FAIM2: variants seen among roughly 807,000 people sequenced by gnomAD.
FAIM2 encodes the protein Fas apoptotic inhibitory molecule 2, also known as protein lifeguard 2.
A neutral mutation model predicts 47.4 loss-of-function variants in FAIM2; 27 were observed. The ratio of observed to expected loss-of-function variants is 0.57; its 90% CI spans 0.42 to 0.78. The LOEUF is 0.78. Among genes scored for constraint, FAIM2 ranks in the 30% least tolerant of loss-of-function variants. The pLI, the probability that FAIM2 is intolerant of heterozygous loss-of-function variation, is 0.00. For synonymous variants in FAIM2, 156 were observed against 159.3 expected (o/e 0.98, Z 0.16); for missense variants, 311 against 389.4 (o/e 0.80, Z 1.69).
chr12:49,901,419 A>G, intron 1 of FAIM2, 94 bp from the exon 2 acceptor site: 1 of 1,010,442 alleles, frequency 9.9e-7, no homozygotes, highest in East Asian at 2.9e-5. Context: ...TGGAACTTTC[A>G]TGGTTCCTTC....
rs529554563 is a variant in FAIM2 at position 49,888,496 on chromosome 12, G to C, written c.747+611C>G. Reference sequence around the variant, plus strand: ...GGGTTCCCAGGATTCAGATCTCAAGGCCTTCCTGTGATGACCCCAATCTGC... The same window carrying C: ...GGGTTCCCAGGATTCAGATCTCAAGCCCTTCCTGTGATGACCCCAATCTGC... On this transcript the variant is annotated intron_variant, in intron 10 of 11. Transcript: ENST00000320634. Among the ~76,000 whole-genome samples the C allele has an allele frequency of 2.0e-5, 3 of 152,282 alleles. No homozygotes were observed. In the East Asian group the frequency reaches 5.8e-4, roughly 29 times the overall value.
chr12:49,873,066 G>A (rs1194063872), intron 11 of FAIM2, among the ~76,000 whole-genome samples: 1 of 152,128 alleles, frequency 6.6e-6, no homozygotes, highest in Non-Finnish European at 1.5e-5. Context: ...GAGCTGAGTG[G>A]CCTTAACACA....
intron 10 of FAIM2, 79 bp from the exon 11 acceptor site, chr12:49,887,518 G>A (rs868226691): frequency 3.2e-6 from 4 of 1,232,676 alleles, no homozygotes; most frequent in South Asian, 1.3e-5. Flanking sequence ...GTTCAGTCCA[G>A]AGAATGGAGG....
intron 5 of FAIM2, among the ~76,000 whole-genome samples, chr12:49,895,060 C>CGGGCA (rs77992168): frequency 0.42 from 63,702 of 150,832 alleles, 14,926 homozygotes; most frequent in Non-Finnish European, 0.52. Flanking sequence ...GGGTGTGGAG[C>CGGGCA]GGGCAGGGCA....
At chr12:49,871,808 A>G (rs1341839869) in intron 11 of FAIM2, among the ~76,000 whole-genome samples, 1 of 151,924 alleles carries the variant, frequency 6.6e-6, no homozygotes, top group African/African-American at 2.4e-5. Context: ...CTAGGATTAC[A>G]GGCATGTGCC....
At position 49,868,433 on chromosome 12, in the gene FAIM2, C is replaced by T. The variant is rs1946678597; in HGVS notation, c.*2071G>A. 1 of 152,218 alleles carries T rather than the reference C, an allele frequency of 6.6e-6. No homozygotes were observed. Among genetic ancestry groups the T allele is most frequent in the Non-Finnish European group, 1.5e-5 (1 of 68,058 alleles). The allele number at this position is 152,218 out of a possible 1,614,324, so 9.4% of individuals were successfully genotyped here. On this transcript the variant is annotated 3_prime_UTR_variant, in exon 12 of 12. Transcript: ENST00000320634. ...ACCAGAAACCAGAAATCTTGCCTCC[C>T]AGCTCTTGTCTGGAAGATAGAAACC...
intron 11 of FAIM2, among the ~76,000 whole-genome samples, chr12:49,884,819 A>G (rs1946850067): frequency 6.6e-6 from 1 of 152,168 alleles, no homozygotes; most frequent in Non-Finnish European, 1.5e-5. Context: ...CTAAAAATAC[A>G]AAAAATTAGC....
intron 11 of FAIM2, among the ~76,000 whole-genome samples, chr12:49,880,320 ATGTG>A (rs145155212): frequency 1.0e-3 from 149 of 145,882 alleles, no homozygotes; most frequent in African/African-American, 3.5e-3. Flanking sequence ...GTGTATGTGT[ATGTG>A]TGTCTGTGTG....
chr12:49,890,934 G>A (rs1165195720), intron 6 of FAIM2, 130 bp downstream of exon 6: 15 of 972,002 alleles, frequency 1.5e-5, no homozygotes, highest in South Asian at 1.2e-4. Flanking sequence ...CTGCCTGCTC[G>A]ATAGAGGCCC....
chr12:49,880,000 A>C (rs1490510687), intron 11 of FAIM2, among the ~76,000 whole-genome samples: 1 of 147,280 alleles, frequency 6.8e-6, no homozygotes, highest in East Asian at 2.1e-4. Context: ...GCATGTGTGC[A>C]TATATGCGTG....
intron 5 of FAIM2, among the ~76,000 whole-genome samples, chr12:49,894,344 TCTGC>T (rs1319201724): frequency 6.6e-6 from 1 of 152,168 alleles, no homozygotes; most frequent in Non-Finnish European, 1.5e-5. Flanking sequence ...CTTTTCCTCC[TCTGC>T]CTGGGTTTCT....
chr12:49,875,473 G>C (rs1030629773), intron 11 of FAIM2, among the ~76,000 whole-genome samples: 1 of 151,918 alleles, frequency 6.6e-6, no homozygotes, highest in Non-Finnish European at 1.5e-5. Context: ...GGAGATCTGG[G>C]GCCCATTTCT....
chr12:49,880,115 T>C (rs1160048614), intron 11 of FAIM2, among the ~76,000 whole-genome samples: 1 of 151,884 alleles, frequency 6.6e-6, no homozygotes, highest in Non-Finnish European at 1.5e-5. Context: ...CGTCTGTGTA[T>C]GTGTGTGCAT....
intron 11 of FAIM2, among the ~76,000 whole-genome samples, chr12:49,879,817 CAT>C (rs1443264957): frequency 7.0e-6 from 1 of 143,212 alleles, no homozygotes; most frequent in Admixed American, 6.9e-5. Flanking sequence ...TGTGTATGTG[CAT>C]GTGTATATGT....
intron 11 of FAIM2, among the ~76,000 whole-genome samples, chr12:49,880,881 AGTGT>A (rs56101227): frequency 2.2e-4 from 33 of 150,966 alleles, no homozygotes; most frequent in South Asian, 8.4e-4. Flanking sequence ...CGTGAATGTG[AGTGT>A]GTGTGTGTGT....
At chr12:49,879,080 A>ATG (rs139266982) in intron 11 of FAIM2, among the ~76,000 whole-genome samples, 1 of 127,048 alleles carries the variant, frequency 7.9e-6, no homozygotes, top group Admixed American at 8.8e-5. Flanking sequence ...GTGCATGTGT[A>ATG]TGTGTCTGTG....
At position 49,890,703 on chromosome 12, in the gene FAIM2, G is replaced by C; in HGVS notation, c.505C>G (p.Leu169Val). Residue 169 changes from leucine to valine, a missense_variant, in exon 7 of 12, where the codon CTG becomes GTG. Leu to Val is a conservative substitution (Grantham distance 32). Coordinates refer to ENST00000320634, the MANE Select transcript of FAIM2 (RefSeq NM_012306.4). ...SGPRRHFPWN[L>V]ILLTVFTLSM... ...CTTACAAAGACGGTCAGGAGAATCA[G>C]GTTCCAGGGGAAATGCCTCCTGCAA... is the stretch of plus-strand genomic sequence containing the variant. The C allele has an allele frequency of 6.2e-7, 1 of 1,614,108 alleles. No homozygotes were observed.
chr12:49,884,640 A>G (rs1946848055), intron 11 of FAIM2, among the ~76,000 whole-genome samples: 1 of 152,188 alleles, frequency 6.6e-6, no homozygotes, highest in Non-Finnish European at 1.5e-5. Context: ...GGCACAGGAC[A>G]CCTGGGTCTT....
chr12:49,903,319 AG>A (rs1565621718), intron 1 of FAIM2, among the ~76,000 whole-genome samples: 2 of 152,170 alleles, frequency 1.3e-5, no homozygotes, highest in Non-Finnish European at 2.9e-5. Flanking sequence ...GGCAGGGAGT[AG>A]GGTGGGGGTT....
Sources: allele counts gnomAD v4.1 joint callset (sites outside exome capture counted in the v4.1 genomes callset), GRCh38; gene constraint gnomAD v4.1.1; transcripts MANE v1.5; gene names NCBI Gene and HGNC (gene_info 2026-07-23, HGNC 2026-07-21).